TP53BP2: variants seen among roughly 807,000 people sequenced by gnomAD.
The protein encoded by TP53BP2 is tumor protein p53 binding protein 2, also known as apoptosis-stimulating of p53 protein 2.
Under a neutral mutation model 126.2 loss-of-function variants are expected in TP53BP2, and 62 were observed. That is an observed-to-expected ratio of 0.49 (90% confidence interval 0.40 to 0.61). The LOEUF is 0.61. TP53BP2 is among the 20% of genes least tolerant of loss of function. The pLI is 0.00. For synonymous variants in TP53BP2, 485 were observed against 502.9 expected (o/e 0.96, Z 0.48); for missense variants, 1,215 against 1,402.8 (o/e 0.87, Z 2.14).
chr1:223,820,017 G>C (rs969116047), intron 2 of TP53BP2, among the ~76,000 whole-genome samples: 1 of 152,204 alleles, frequency 6.6e-6, no homozygotes, highest in African/African-American at 2.4e-5. Flanking sequence ...GATTACATCA[G>C]GATGATGTAA....
intron 1 of TP53BP2, among the ~76,000 whole-genome samples, chr1:223,827,055 G>A (rs970016630): frequency 3.9e-5 from 6 of 152,158 alleles, no homozygotes; most frequent in South Asian, 2.1e-4. Flanking sequence ...CCCACAGAAT[G>A]AGGCCTCTAT....
intron 8 of TP53BP2, 116 bp downstream of exon 8, chr1:223,802,615 C>CCTCAGA: frequency 1.6e-6 from 2 of 1,258,810 alleles, no homozygotes; most frequent in Non-Finnish European, 2.2e-6. Context: ...TAAACAGCAT[C>CCTCAGA]TGTTTTCTGA....
intron 14 of TP53BP2, 95 bp from the exon 15 acceptor site, chr1:223,792,617 G>T: frequency 7.4e-6 from 9 of 1,212,154 alleles, no homozygotes; most frequent in Non-Finnish European, 9.3e-6. Context: ...GACAGAAATG[G>T]ACTCTTGTGA....
chr1:223,821,089 T>C, intron 2 of TP53BP2, 131 bp downstream of exon 2: 1 of 1,165,898 alleles, frequency 8.6e-7, no homozygotes, highest in Non-Finnish European at 1.2e-6. Context: ...TCAGGAACAC[T>C]ATTTCTGCCG....
intron 1 of TP53BP2, 68 bp downstream of exon 1, chr1:223,845,586 C>T: frequency 6.8e-7 from 1 of 1,472,086 alleles, no homozygotes; most frequent in Non-Finnish European, 9.0e-7. Flanking sequence ...CCCGAGGGCG[C>T]GGACCAGCCC....
intron 9 of TP53BP2, 48 bp downstream of exon 9, chr1:223,802,068 G>A: frequency 2.0e-6 from 3 of 1,534,670 alleles, no homozygotes; most frequent in Non-Finnish European, 2.7e-6. Context: ...AAACTTGGGA[G>A]AAAGAATAGT....
chr1:223,797,517 A>G (rs1296708218), intron 12 of TP53BP2, among the ~76,000 whole-genome samples: 2 of 151,892 alleles, frequency 1.3e-5, no homozygotes, highest in Non-Finnish European at 2.9e-5. Context: ...GGTTCAAGCA[A>G]TTCTCCTGCC....
chr1:223,781,241 T>C (rs894939810), intron 17 of TP53BP2, among the ~76,000 whole-genome samples: 2 of 152,254 alleles, frequency 1.3e-5, no homozygotes, highest in Non-Finnish European at 2.9e-5. Context: ...GGCAAACTGC[T>C]GTATGCTCTA....
At chr1:223,817,720 G>A (rs959589474) in intron 2 of TP53BP2, among the ~76,000 whole-genome samples, 83 of 152,114 alleles carry the variant, frequency 5.5e-4, no homozygotes, top group African/African-American at 1.9e-3. Context: ...GAGGTCAGGA[G>A]TTCAAAACCA....
intron 6 of TP53BP2, 151 bp downstream of exon 6, chr1:223,804,023 C>T: frequency 1.3e-6 from 1 of 755,646 alleles, no homozygotes; most frequent in Non-Finnish European, 2.2e-6. Flanking sequence ...GTGGCTTGCA[C>T]CTGTAACCCC....
intron 1 of TP53BP2, among the ~76,000 whole-genome samples, chr1:223,840,317 A>G (rs115008156): frequency 0.013 from 1,934 of 152,326 alleles, 56 homozygotes; most frequent in African/African-American, 0.044. Flanking sequence ...ACATAGTCAC[A>G]TCATCTGTGT....
intron 3 of TP53BP2, among the ~76,000 whole-genome samples, chr1:223,813,523 G>A (rs904548874): frequency 6.6e-6 from 1 of 151,872 alleles, no homozygotes; most frequent in Non-Finnish European, 1.5e-5. Flanking sequence ...CCCAGCTAAG[G>A]TATCACCTTG....
chr1:223,840,099 T>A (rs936076894), intron 1 of TP53BP2, among the ~76,000 whole-genome samples: 33 of 152,372 alleles, frequency 2.2e-4, no homozygotes, highest in African/African-American at 7.9e-4. Flanking sequence ...TTCCTGCCCA[T>A]TATCTACTGA....
At chr1:223,784,991 T>C (rs760579147) in intron 16 of TP53BP2, among the ~76,000 whole-genome samples, 8 of 152,282 alleles carry the variant, frequency 5.3e-5, no homozygotes, top group Non-Finnish European at 5.9e-5. Flanking sequence ...CCAGAGTTAG[T>C]AACAGATTTG....
intron 3 of TP53BP2, among the ~76,000 whole-genome samples, chr1:223,813,417 CCT>C (rs752881021): frequency 2.0e-5 from 3 of 152,090 alleles, no homozygotes; most frequent in Non-Finnish European, 4.4e-5. Context: ...TCACTCATTT[CCT>C]CTCACACCTG....
intron 2 of TP53BP2, among the ~76,000 whole-genome samples, chr1:223,816,334 G>C (rs1456798867): frequency 6.6e-6 from 1 of 152,136 alleles, no homozygotes; most frequent in Non-Finnish European, 1.5e-5. Flanking sequence ...AACAAGACAG[G>C]AGAGGAGAAG....
chr1:223,841,038 G>GTC (rs942554024), intron 1 of TP53BP2, among the ~76,000 whole-genome samples: 1 of 152,160 alleles, frequency 6.6e-6, no homozygotes, highest in Non-Finnish European at 1.5e-5. Context: ...GGATCACGGG[G>GTC]TCAGGAGTTC....
At chr1:223,792,863 C>CAA (rs35552256) in intron 14 of TP53BP2, among the ~76,000 whole-genome samples, 137 of 129,360 alleles carry the variant, frequency 1.1e-3, no homozygotes, top group Middle Eastern at 4.0e-3. Context: ...CTATGGAAAG[C>CAA]AAAAAAAAAA....
chr1:223,788,335 C>T (rs1030798328), intron 16 of TP53BP2, among the ~76,000 whole-genome samples: 4 of 152,130 alleles, frequency 2.6e-5, no homozygotes, highest in African/African-American at 9.7e-5. Flanking sequence ...TCTCTGTCTT[C>T]CCTCCTTCTT....
Sources: gnomAD v4.1 joint callset for allele counts (sites outside exome capture counted in the v4.1 genomes callset) on GRCh38, gnomAD v4.1.1 for gene constraint, MANE v1.5 for transcripts, NCBI Gene and HGNC (gene_info 2026-07-23, HGNC 2026-07-21) for gene names.